The following TMEM72 variants were observed in gnomAD, a reference collection of about 807,000 sequenced individuals.
TMEM72 encodes kidney-specific secretory protein of 37 kDa.
A neutral mutation model predicts 16.3 loss-of-function variants in TMEM72; 9 were observed. That is an observed-to-expected ratio of 0.55 (90% CI 0.33 to 0.96). The LOEUF (loss-of-function observed/expected upper bound fraction) is 0.96, where lower values mean the gene tolerates loss of function less well. Ranked by LOEUF, TMEM72 falls within the 40% of genes least tolerant of loss-of-function variation. The pLI, the probability that TMEM72 is intolerant of heterozygous loss-of-function variation, is 0.03. For synonymous variants in TMEM72, 160 were observed against 146.5 expected, an observed-to-expected ratio of 1.09 and a Z score of -0.66; for missense variants, 324 against 337.8, an observed-to-expected ratio of 0.96 and a Z score of 0.32.
chr10:44,925,254 C>T (rs990835894), intron 1 of TMEM72, among the ~76,000 whole-genome samples: 7 of 152,208 alleles, frequency 4.6e-5, no homozygotes, highest in African/African-American at 1.4e-4. Context: ...TGACCGCTGA[C>T]CCTCTGTTTG....
At chr10:44,915,522 C>A (rs993762337) in intron 1 of TMEM72, among the ~76,000 whole-genome samples, 1 of 152,056 alleles carries the variant, frequency 6.6e-6, no homozygotes, top group Admixed American at 6.5e-5. Context: ...CACTCCTAAT[C>A]GTTATTTCCT....
chr10:44,934,546 A>C, intron 4 of TMEM72, 110 bp from the exon 5 acceptor site: 2 of 1,121,516 alleles, frequency 1.8e-6, no homozygotes, highest in Non-Finnish European at 2.5e-6. Context: ...GGGGCCTGTG[A>C]ATGGCCACAC....
intron 1 of TMEM72, among the ~76,000 whole-genome samples, chr10:44,926,061 TCA>T (rs1337702351): frequency 1.3e-5 from 2 of 148,214 alleles, no homozygotes; most frequent in Admixed American, 6.7e-5. Context: ...ACATATATAA[TCA>T]CACTCACATT....
At chr10:44,924,993 T>C (rs1277032154) in intron 1 of TMEM72, among the ~76,000 whole-genome samples, 1 of 152,200 alleles carries the variant, frequency 6.6e-6, no homozygotes, top group Non-Finnish European at 1.5e-5. Context: ...TCACCTGACA[T>C]CTATCAGGCA....
chr10:44,913,452 GCACACA>G (rs35296531), intron 1 of TMEM72, among the ~76,000 whole-genome samples: 5 of 148,788 alleles, frequency 3.4e-5, no homozygotes, highest in African/African-American at 1.2e-4. Flanking sequence ...CCATGTGCAC[GCACACA>G]CACACACACA....
intron 1 of TMEM72, among the ~76,000 whole-genome samples, chr10:44,917,632 C>T (rs1840031611): frequency 6.6e-6 from 1 of 152,082 alleles, no homozygotes; most frequent in African/African-American, 2.4e-5. Context: ...CTGAAGAGGG[C>T]TGTGAACAAA....
At chr10:44,912,806 C>T (rs1381219367) in intron 1 of TMEM72, among the ~76,000 whole-genome samples, 1 of 152,184 alleles carries the variant, frequency 6.6e-6, no homozygotes, top group Non-Finnish European at 1.5e-5. Context: ...CGTGAGCTGG[C>T]CAGTGGGCTC....
At chr10:44,926,134 C>T (rs990612884) in intron 1 of TMEM72, among the ~76,000 whole-genome samples, 5 of 145,312 alleles carry the variant, frequency 3.4e-5, no homozygotes, top group Admixed American at 2.3e-4. Flanking sequence ...CATACACTCA[C>T]ACACTCACAT....
At chr10:44,928,024 G>T (rs1239580282) in intron 2 of TMEM72, 37 bp downstream of exon 2, 11 of 1,608,492 alleles carry the variant, frequency 6.8e-6, no homozygotes, top group Non-Finnish European at 9.3e-6. Flanking sequence ...TGACCTGCAA[G>T]TTCTGCTCAA....
rs1840405919 is a variant in TMEM72 at position 44,936,656 on chromosome 10, TAC to T, written c.*1524_*1525del. 6.6e-6 allele frequency: 1 copy of T among 152,230 alleles called. No homozygotes were observed. The highest frequency in any genetic ancestry group is 1.5e-5 in the Non-Finnish European group (1 of 68,046). The allele number at this position is 152,230 out of a possible 1,614,324, so 9.4% of individuals were successfully genotyped here. On this transcript the variant is annotated 3_prime_UTR_variant, in exon 5 of 5. Transcript: ENST00000389583. ...GGCAGGACCTCAGGACCTGACTGTC[TAC>T]AGTCAGGGAATAGTGAACAATATGG...
chr10:44,919,953 T>A (rs1243013899), intron 1 of TMEM72: 2 of 152,220 alleles, frequency 1.3e-5, no homozygotes, highest in Non-Finnish European at 2.9e-5. Context: ...ACAGCAACTG[T>A]TTCCAGCAAC....
At chr10:44,926,819 A>G (rs867317) in intron 1 of TMEM72, among the ~76,000 whole-genome samples, 124,007 of 150,010 alleles carry the variant, frequency 0.83, 51,814 homozygotes, top group African/African-American at 0.96. Context: ...GAATCGAGGG[A>G]TGGAGTGCTG....
intron 1 of TMEM72, among the ~76,000 whole-genome samples, chr10:44,914,866 A>C (rs1480837623): frequency 6.6e-6 from 1 of 152,166 alleles, no homozygotes; most frequent in South Asian, 2.1e-4. Flanking sequence ...CTTCCCTTTG[A>C]ACTTCAGCCA....
At chr10:44,926,435 C>T (rs188750542) in intron 1 of TMEM72, among the ~76,000 whole-genome samples, 1 of 152,314 alleles carries the variant, frequency 6.6e-6, no homozygotes, top group East Asian at 1.9e-4. Flanking sequence ...GTGCCACAGG[C>T]CTGCTGGAAG....
At chr10:44,926,208 C>T (rs1361783657) in intron 1 of TMEM72, among the ~76,000 whole-genome samples, 5 of 152,144 alleles carry the variant, frequency 3.3e-5, no homozygotes, top group African/African-American at 9.7e-5. Context: ...TACACTCACA[C>T]ATACATGCAC....
At chr10:44,916,552 T>G (rs1030478484) in intron 1 of TMEM72, among the ~76,000 whole-genome samples, 1 of 152,192 alleles carries the variant, frequency 6.6e-6, no homozygotes. Context: ...GGGCCCTCCA[T>G]GCTAATTTTA....
chr10:44,924,549 C>T (rs1840154643), intron 1 of TMEM72, among the ~76,000 whole-genome samples: 2 of 152,222 alleles, frequency 1.3e-5, no homozygotes, highest in South Asian at 4.1e-4. Context: ...GTGGGCCTGC[C>T]GCTCCCAGCA....
At chr10:44,921,472 A>T (rs983764541) in intron 1 of TMEM72, among the ~76,000 whole-genome samples, 2 of 152,206 alleles carry the variant, frequency 1.3e-5, no homozygotes, top group African/African-American at 4.8e-5. Context: ...TATTTCTTGT[A>T]GAGAATTTGG....
At chr10:44,918,638 C>G (rs1448395404) in intron 1 of TMEM72, among the ~76,000 whole-genome samples, 1 of 152,120 alleles carries the variant, frequency 6.6e-6, no homozygotes, top group Non-Finnish European at 1.5e-5. Context: ...TGGAGTTCAT[C>G]TCAGAAATGC....
Sources: gnomAD v4.1 joint callset for allele counts (sites outside exome capture counted in the v4.1 genomes callset) on GRCh38, gnomAD v4.1.1 for gene constraint, MANE v1.5 for transcripts, NCBI Gene and HGNC (gene_info 2026-07-23, HGNC 2026-07-21) for gene names.